CNTNAP5: variants seen among roughly 807,000 people sequenced by gnomAD.
The protein encoded by CNTNAP5 is contactin-associated protein-like 5.
Under a neutral mutation model 150.2 loss-of-function variants are expected in CNTNAP5, and 72 were observed. The ratio of observed to expected loss-of-function variants is 0.48; its 90% CI spans 0.40 to 0.58. The LOEUF (loss-of-function observed/expected upper bound fraction) is 0.58. Among genes scored for constraint, CNTNAP5 ranks in the 20% least tolerant of loss-of-function variants. The probability of loss-of-function intolerance (pLI) is 0.00; values close to 1 mark genes in which losing one functional copy is unlikely to be tolerated. For missense variants in CNTNAP5, 1,636 were observed against 1,626.2 expected (o/e 1.01, Z -0.10); for synonymous variants, 672 against 619.8 (o/e 1.08, Z -1.25).
chr2:124,364,430 A>AT (rs1223143048), intron 3 of CNTNAP5, among the ~76,000 whole-genome samples: 1 of 151,528 alleles, frequency 6.6e-6, no homozygotes, highest in Non-Finnish European at 1.5e-5. Flanking sequence ...TCACCTTTTT[A>AT]TTTTTTCCAC....
chr2:124,809,096 A>G (rs1302565009), intron 19 of CNTNAP5, among the ~76,000 whole-genome samples: 4 of 152,088 alleles, frequency 2.6e-5, no homozygotes, highest in Admixed American at 6.5e-5. Flanking sequence ...TGAAAAAAAT[A>G]CTTTACCCAT....
At chr2:124,390,094 AAGC>A (rs777896346) in intron 3 of CNTNAP5, among the ~76,000 whole-genome samples, 2 of 152,126 alleles carry the variant, frequency 1.3e-5, no homozygotes, top group African/African-American at 2.4e-5. Flanking sequence ...AGTGTCCCCA[AAGC>A]ACGATCAATG....
At chr2:124,584,538 C>T (rs531010676) in intron 11 of CNTNAP5, among the ~76,000 whole-genome samples, 2 of 152,296 alleles carry the variant, frequency 1.3e-5, no homozygotes, top group East Asian at 3.9e-4. Flanking sequence ...GTGAACTGCA[C>T]AAGCTAAAGG....
intron 1 of CNTNAP5, among the ~76,000 whole-genome samples, chr2:124,076,831 A>G (rs998849779): frequency 3.3e-5 from 5 of 152,112 alleles, no homozygotes; most frequent in South Asian, 2.1e-4. Context: ...CAGCTCCAGA[A>G]TGATGGTCCT....
chr2:124,847,785 G>T (rs1683079682), intron 19 of CNTNAP5, among the ~76,000 whole-genome samples: 1 of 152,010 alleles, frequency 6.6e-6, no homozygotes, highest in African/African-American at 2.4e-5. Flanking sequence ...ATTCTCTTGA[G>T]GATATCTAAT....
chr2:124,794,786 C>T (rs1439712282), intron 18 of CNTNAP5, among the ~76,000 whole-genome samples: 1 of 152,120 alleles, frequency 6.6e-6, no homozygotes, highest in East Asian at 1.9e-4. Flanking sequence ...TCCTATCCTC[C>T]TCCTTTATTA....
At chr2:124,420,162 C>A (rs773576652) in intron 4 of CNTNAP5, among the ~76,000 whole-genome samples, 1 of 151,020 alleles carries the variant, frequency 6.6e-6, no homozygotes, top group East Asian at 2.0e-4. Context: ...GGCTAATTTT[C>A]GTATCTTTAG....
chr2:124,510,325 C>CTA (rs1184644428), intron 8 of CNTNAP5, among the ~76,000 whole-genome samples: 21 of 8,300 alleles, frequency 2.5e-3, no homozygotes, highest in African/African-American at 3.4e-3. Flanking sequence ...ATATATCTAT[C>CTA]TATATATATA....
At chr2:124,564,429 C>T (rs1378167565) in intron 11 of CNTNAP5, among the ~76,000 whole-genome samples, 2 of 152,162 alleles carry the variant, frequency 1.3e-5, no homozygotes, top group African/African-American at 4.8e-5. Context: ...GATCTTGGCT[C>T]ACTGGAACCT....
At chr2:124,287,072 G>A (rs889276396) in intron 3 of CNTNAP5, among the ~76,000 whole-genome samples, 1 of 152,140 alleles carries the variant, frequency 6.6e-6, no homozygotes, top group Non-Finnish European at 1.5e-5. Flanking sequence ...CAGAACAGCA[G>A]CCACAGTCTG....
intron 13 of CNTNAP5, among the ~76,000 whole-genome samples, chr2:124,681,865 G>T (rs1344202612): frequency 6.6e-6 from 1 of 152,046 alleles, no homozygotes; most frequent in Non-Finnish European, 1.5e-5. Context: ...CCAGGCCCTT[G>T]TTTTTGTTTT....
At chr2:124,905,520 A>G (rs1403657902) in intron 22 of CNTNAP5, among the ~76,000 whole-genome samples, 1 of 152,314 alleles carries the variant, frequency 6.6e-6, no homozygotes, top group East Asian at 1.9e-4. Flanking sequence ...TGCCTTTTCT[A>G]TCTTTTCTTA....
At chr2:124,146,886 T>C (rs1244541478) in intron 1 of CNTNAP5, among the ~76,000 whole-genome samples, 3 of 152,222 alleles carry the variant, frequency 2.0e-5, no homozygotes, top group Non-Finnish European at 4.4e-5. Flanking sequence ...GCTTCTCTTA[T>C]GGCCAGACAC....
At chr2:124,448,939 A>G (rs1270624075) in intron 6 of CNTNAP5, among the ~76,000 whole-genome samples, 3 of 152,232 alleles carry the variant, frequency 2.0e-5, no homozygotes, top group Admixed American at 2.0e-4. Context: ...CAACACGTAC[A>G]TACCTGTGGG....
chr2:124,743,492 TC>T (rs2105140826), intron 13 of CNTNAP5, among the ~76,000 whole-genome samples: 1 of 152,256 alleles, frequency 6.6e-6, no homozygotes, highest in Admixed American at 6.5e-5. Context: ...ATGTGAACCT[TC>T]TTTTTTGCAG....
At chr2:124,402,362 C>A (rs1573969007) in intron 3 of CNTNAP5, among the ~76,000 whole-genome samples, 1 of 152,134 alleles carries the variant, frequency 6.6e-6, no homozygotes, top group Non-Finnish European at 1.5e-5. Context: ...TAAACAAATA[C>A]ACCTTCAGTG....
intron 1 of CNTNAP5, among the ~76,000 whole-genome samples, chr2:124,120,983 G>A (rs994640962): frequency 2.6e-5 from 4 of 152,058 alleles, no homozygotes; most frequent in African/African-American, 9.7e-5. Context: ...TAAGAAAGGT[G>A]CTGGTGTTAA....
intron 19 of CNTNAP5, among the ~76,000 whole-genome samples, chr2:124,833,083 A>T (rs1181323989): frequency 1.3e-5 from 2 of 151,662 alleles, no homozygotes; most frequent in African/African-American, 2.4e-5. Context: ...CTAATTTTTG[A>T]AGTATTTGTA....
chr2:124,040,781 T>C (rs1239461775), intron 1 of CNTNAP5, among the ~76,000 whole-genome samples: 1 of 152,152 alleles, frequency 6.6e-6, no homozygotes, highest in Non-Finnish European at 1.5e-5. Context: ...GTTCTTATTA[T>C]AACTGTTGCA....
Sources: gnomAD v4.1 joint callset for allele counts (sites outside exome capture counted in the v4.1 genomes callset) on GRCh38, gnomAD v4.1.1 for gene constraint, MANE v1.5 for transcripts, NCBI Gene and HGNC (gene_info 2026-07-23, HGNC 2026-07-21) for gene names.